IQCJ: variants seen among roughly 807,000 people sequenced by gnomAD.
IQCJ encodes IQ motif containing J.
In IQCJ, 9 loss-of-function variants were observed where a neutral mutation model predicts 11.0. The observed-to-expected ratio is 0.82, with a 90% confidence interval of 0.49 to 1.43. The LOEUF is 1.43. Among genes scored for constraint, IQCJ ranks in the 40% most tolerant of loss-of-function variants. The pLI, the probability that IQCJ is intolerant of heterozygous loss-of-function variation, is 0.00. For synonymous variants in IQCJ, 55 were observed against 51.3 expected (o/e 1.07, Z -0.31); for missense variants, 146 against 133.2 (o/e 1.10, Z -0.47).
chr3:159,249,673 T>C (rs928730905), intron 2 of IQCJ, among the ~76,000 whole-genome samples: 3 of 152,254 alleles, frequency 2.0e-5, no homozygotes, highest in Non-Finnish European at 4.4e-5. Flanking sequence ...CATTTCGTTA[T>C]AGCTGCAGCT....
At chr3:159,216,210 G>A (rs1272338407) in intron 1 of IQCJ, among the ~76,000 whole-genome samples, 3 of 152,012 alleles carry the variant, frequency 2.0e-5, no homozygotes, top group Non-Finnish European at 2.9e-5. Context: ...GTGTCAACAT[G>A]TCATCAGTGC....
At chr3:159,188,783 T>C (rs1723518594) in intron 1 of IQCJ, among the ~76,000 whole-genome samples, 1 of 152,170 alleles carries the variant, frequency 6.6e-6, no homozygotes, top group South Asian at 2.1e-4. Flanking sequence ...AAATCTAGGG[T>C]TAACTTTACC....
intron 1 of IQCJ, among the ~76,000 whole-genome samples, chr3:159,146,265 A>G (rs1340756109): frequency 6.6e-6 from 1 of 152,086 alleles, no homozygotes; most frequent in Non-Finnish European, 1.5e-5. Flanking sequence ...GTTTGAGTGG[A>G]GGTGAGGGTA....
At chr3:159,089,708 T>A (rs562063634) in intron 1 of IQCJ, among the ~76,000 whole-genome samples, 1 of 151,670 alleles carries the variant, frequency 6.6e-6, no homozygotes, top group South Asian at 2.1e-4. Context: ...CCAGTTGATC[T>A]CACCGGCTCC....
intron 1 of IQCJ, among the ~76,000 whole-genome samples, chr3:159,114,132 G>C (rs1559990415): frequency 6.6e-6 from 1 of 152,122 alleles, no homozygotes; most frequent in Non-Finnish European, 1.5e-5. Flanking sequence ...TGATTTTTCT[G>C]AGTTGAGGAA....
At chr3:159,213,844 A>G (rs1423661188) in intron 1 of IQCJ, among the ~76,000 whole-genome samples, 1 of 152,036 alleles carries the variant, frequency 6.6e-6, no homozygotes, top group East Asian at 1.9e-4. Flanking sequence ...CTTCTTTATC[A>G]TTTGTGGCCT....
At chr3:159,151,902 G>A (rs1721250114) in intron 1 of IQCJ, among the ~76,000 whole-genome samples, 1 of 152,218 alleles carries the variant, frequency 6.6e-6, no homozygotes, top group Non-Finnish European at 1.5e-5. Context: ...CCAAAGTGCT[G>A]GGATTACAGG....
intron 1 of IQCJ, among the ~76,000 whole-genome samples, chr3:159,162,785 C>A (rs1721943283): frequency 6.6e-6 from 1 of 152,194 alleles, no homozygotes; most frequent in South Asian, 2.1e-4. Context: ...TCAGAGAATA[C>A]TACAAACACC....
intron 1 of IQCJ, among the ~76,000 whole-genome samples, chr3:159,214,216 A>G (rs1275861843): frequency 1.3e-5 from 2 of 152,110 alleles, no homozygotes; most frequent in Non-Finnish European, 2.9e-5. Flanking sequence ...CCCTCCTTCC[A>G]TTCTTATAAA....
At chr3:159,125,442 A>G (rs1347642826) in intron 1 of IQCJ, among the ~76,000 whole-genome samples, 1 of 152,218 alleles carries the variant, frequency 6.6e-6, no homozygotes, top group African/African-American at 2.4e-5. Context: ...TGAATAAAGC[A>G]TGGGCTTTTG....
At chr3:159,202,119 A>C (rs1418358425) in intron 1 of IQCJ, among the ~76,000 whole-genome samples, 2 of 152,128 alleles carry the variant, frequency 1.3e-5, no homozygotes, top group African/African-American at 4.8e-5. Flanking sequence ...TCATGTGTAC[A>C]TGTATGTATA....
intron 1 of IQCJ, among the ~76,000 whole-genome samples, chr3:159,111,289 A>G (rs143011921): frequency 1.3e-3 from 205 of 152,380 alleles, no homozygotes; most frequent in Admixed American, 2.7e-3. Context: ...AAGTGATACA[A>G]AACTATCCAG....
chr3:159,135,505 G>A (rs1720237257), intron 1 of IQCJ, among the ~76,000 whole-genome samples: 2 of 152,132 alleles, frequency 1.3e-5, no homozygotes, highest in African/African-American at 4.8e-5. Context: ...GATGTTCCTG[G>A]TCAGGCAACT....
intron 1 of IQCJ, among the ~76,000 whole-genome samples, chr3:159,195,765 A>C (rs1723949588): frequency 6.6e-6 from 1 of 152,216 alleles, no homozygotes; most frequent in Admixed American, 6.5e-5. Flanking sequence ...TTGAGACTTG[A>C]AGGTCTATCA....
intron 1 of IQCJ, among the ~76,000 whole-genome samples, chr3:159,160,385 C>T (rs374295637): frequency 6.6e-6 from 1 of 150,726 alleles, no homozygotes; most frequent in Non-Finnish European, 1.5e-5. Context: ...TCACTGCAAC[C>T]TCTGCCTCTG....
chr3:159,260,113 A>G (rs1208032772), intron 3 of IQCJ, among the ~76,000 whole-genome samples: 1 of 152,210 alleles, frequency 6.6e-6, no homozygotes, highest in African/African-American at 2.4e-5. Context: ...TTAATATCTG[A>G]CTTAAGGAGA....
At chr3:159,150,946 G>A (rs1721179110) in intron 1 of IQCJ, among the ~76,000 whole-genome samples, 1 of 152,182 alleles carries the variant, frequency 6.6e-6, no homozygotes, top group African/African-American at 2.4e-5. Flanking sequence ...TGCAGCCCGT[G>A]CCATCCCCTG....
chr3:159,136,034 C>T (rs1720269838), intron 1 of IQCJ, among the ~76,000 whole-genome samples: 1 of 152,070 alleles, frequency 6.6e-6, no homozygotes, highest in Non-Finnish European at 1.5e-5. Context: ...CAGGATTGCA[C>T]AGAGTGCTTA....
chr3:159,096,282 T>A (rs1330916911), intron 1 of IQCJ, among the ~76,000 whole-genome samples: 1 of 149,966 alleles, frequency 6.7e-6, no homozygotes, highest in Non-Finnish European at 1.5e-5. Flanking sequence ...GTCAGATGAG[T>A]AGGTTGTGAA....
Sources: gnomAD v4.1 joint callset for allele counts (sites outside exome capture counted in the v4.1 genomes callset) on GRCh38, gnomAD v4.1.1 for gene constraint, MANE v1.5 for transcripts, NCBI Gene and HGNC (gene_info 2026-07-23, HGNC 2026-07-21) for gene names.